The following TRPA1 variants were observed in gnomAD, a reference collection of about 807,000 sequenced individuals.
The protein encoded by TRPA1 is transient receptor potential cation channel subfamily A member 1, also known as ankyrin-like with transmembrane domains 1.
In TRPA1, 129 loss-of-function variants were observed where a neutral mutation model predicts 131.3. That is an observed-to-expected ratio of 0.98 (90% confidence interval 0.85 to 1.14). The LOEUF is 1.14. TRPA1 is among the 50% of genes most tolerant of loss of function. TRPA1 has a pLI of 0.00. For missense variants in TRPA1, 1,304 were observed against 1,354.2 expected, an observed-to-expected ratio of 0.96 and a Z score of 0.58; for synonymous variants, 441 against 451.7, an observed-to-expected ratio of 0.98 and a Z score of 0.30.
intron 2 of TRPA1, among the ~76,000 whole-genome samples, chr8:72,071,068 C>T (rs1806048190): frequency 6.6e-6 from 1 of 152,204 alleles, no homozygotes; most frequent in Admixed American, 6.5e-5. Context: ...ACTTTATACA[C>T]CAATATCTCT....
intron 18 of TRPA1, 115 bp downstream of exon 18, chr8:72,039,612 A>G: frequency 1.3e-6 from 1 of 749,728 alleles, no homozygotes; most frequent in Non-Finnish European, 2.3e-6. Flanking sequence ...AAGTAAAAAC[A>G]TTAAAATAAC....
At chr8:72,029,997 T>C (rs754231760) in intron 23 of TRPA1, 28 bp from the exon 24 acceptor site, 25 of 1,594,350 alleles carry the variant, frequency 1.6e-5, no homozygotes, top group South Asian at 1.1e-5. Flanking sequence ...ATTAAATCAC[T>C]ACAGTTGAAT....
intron 1 of TRPA1, 121 bp downstream of exon 1, chr8:72,075,178 C>A: frequency 1.3e-6 from 1 of 783,750 alleles, no homozygotes; most frequent in Non-Finnish European, 2.2e-6. Flanking sequence ...GGATTGTGCA[C>A]ACACCCCAAA....
intron 13 of TRPA1, 135 bp downstream of exon 13, chr8:72,053,618 C>A: frequency 1.4e-6 from 1 of 712,570 alleles, no homozygotes; most frequent in Non-Finnish European, 2.5e-6. Context: ...CCTCAAGAAT[C>A]CACTTGCTAA....
At chr8:72,086,390 G>C in the TRPA1 span, among the ~76,000 whole-genome samples, 1 of 151,832 alleles carries the variant, frequency 6.6e-6, no homozygotes, top group Admixed American at 6.6e-5. Context: ...TCTTTGTCTC[G>C]TATTCAAATT....
chr8:72,076,408 G>T (rs1163929830), upstream of TRPA1: 2 of 152,212 alleles, frequency 1.3e-5, no homozygotes, highest in African/African-American at 2.4e-5. Context: ...ACAGACAAGG[G>T]AACTGTTGCC....
At chr8:72,035,266 C>T (rs1032958196) in intron 21 of TRPA1, among the ~76,000 whole-genome samples, 8 of 152,160 alleles carry the variant, frequency 5.3e-5, no homozygotes, top group Admixed American at 5.2e-4. Flanking sequence ...CTCAGCAAGG[C>T]CACTAATAAT....
the TRPA1 span, among the ~76,000 whole-genome samples, chr8:72,082,760 T>G: frequency 3.3e-5 from 5 of 152,046 alleles, no homozygotes; most frequent in Non-Finnish European, 7.4e-5. Context: ...GCAACTTGAC[T>G]CTAAGGTATC....
chr8:72,025,679 G>T (rs1811575880), intron 25 of TRPA1, among the ~76,000 whole-genome samples: 1 of 152,126 alleles, frequency 6.6e-6, no homozygotes, highest in Non-Finnish European at 1.5e-5. Context: ...CACTAAAAGG[G>T]TGTGGCTGGT....
chr8:72,046,460 AAAAAAAAAAG>A, intron 17 of TRPA1, 43 bp downstream of exon 17: 6 of 1,159,514 alleles, frequency 5.2e-6, no homozygotes, highest in African/African-American at 3.2e-5. Flanking sequence ...GTATAATAAA[AAAAAAAAAAG>A]AAAAAAAAGA....
In TRPA1 at chr8:72,034,385, A is replaced by G. The variant is rs563751503; in HGVS notation, c.2556-8T>C. 50 of 1,476,066 alleles carry G rather than the reference A, an allele frequency of 3.4e-5. No individual in the cohort carries two copies. Among genetic ancestry groups the G allele is most frequent in the East Asian group, 3.0e-4 (13 of 43,806 alleles). 91.4% of individuals were successfully genotyped at this position (1,476,066 alleles called of 1,614,324 possible). A position where few individuals can be genotyped will look rare whatever the true frequency, so the allele number is the denominator to read the frequency against. On this transcript the variant is annotated splice_region_variant and splice_polypyrimidine_tract_variant and intron_variant, in intron 21 of 26. Coordinates refer to ENST00000262209, the MANE Select transcript of TRPA1 (RefSeq NM_007332.3). ...ATTCCACAATTTTCAAATCTAGAAA[A>G]GTAAAAAAAAAAAAATTTACTCACT...
intron 2 of TRPA1, among the ~76,000 whole-genome samples, chr8:72,069,901 G>T (rs1273001194): frequency 6.6e-6 from 1 of 152,052 alleles, no homozygotes; most frequent in Non-Finnish European, 1.5e-5. Flanking sequence ...AGAGTGCCTG[G>T]CCTGTAGCAA....
intron 4 of TRPA1, 119 bp downstream of exon 4, chr8:72,065,332 G>T (rs1805904960): frequency 2.1e-6 from 2 of 972,908 alleles, no homozygotes; most frequent in East Asian, 5.6e-5. Flanking sequence ...TCCTGACCTA[G>T]TTTTTGTATT....
At chr8:72,059,559 T>C in intron 7 of TRPA1, 121 bp from the exon 8 acceptor site, 1 of 621,514 alleles carries the variant, frequency 1.6e-6, no homozygotes, top group Non-Finnish European at 2.8e-6. Flanking sequence ...CATGATAGAA[T>C]GTTAGAGAAT....
chr8:72,065,200 T>A (rs12677736), intron 4 of TRPA1, among the ~76,000 whole-genome samples: 59,293 of 151,984 alleles, frequency 0.39, 12,211 homozygotes, highest in East Asian at 0.63. Context: ...CCTGCCTGTA[T>A]TTTCTTTTCA....
At position 72,062,716 on chromosome 8, in the gene TRPA1, T is replaced by C. The variant is rs549344418; in HGVS notation, c.807+83A>G. The C allele has an allele frequency of 3.3e-4, 446 of 1,348,960 alleles. 1 individual carries two copies. The highest frequency in any genetic ancestry group is 2.1e-3 in the Middle Eastern group (9 of 4,210). 83.6% of individuals were successfully genotyped at this position (1,348,960 alleles called of 1,614,324 possible). A position where few individuals can be genotyped will look rare whatever the true frequency, so the allele number is the denominator to read the frequency against. Reference sequence around the variant, plus strand: ...TTTCTTGTATGTATTTCAATCTAAATTAACTGTAAAAGAGCTATAAAGCAT... The same window carrying C: ...TTTCTTGTATGTATTTCAATCTAAACTAACTGTAAAAGAGCTATAAAGCAT... On this transcript the variant is annotated intron_variant, in intron 6 of 26. Coordinates refer to ENST00000262209, the MANE Select transcript of TRPA1 (RefSeq NM_007332.3).
At chr8:72,042,091 T>C (rs1425159205) in intron 17 of TRPA1, among the ~76,000 whole-genome samples, 3 of 151,752 alleles carry the variant, frequency 2.0e-5, no homozygotes, top group African/African-American at 7.3e-5. Flanking sequence ...AAGGAAGCAA[T>C]GACCAAAGTG....
intron 5 of TRPA1, 116 bp downstream of exon 5, chr8:72,063,337 ACCACTGCACT>A (rs1371290266): frequency 5.9e-6 from 4 of 682,702 alleles, no homozygotes; most frequent in African/African-American, 5.4e-5. Context: ...CTGAGATCAC[ACCACTGCACT>A]CCAGCCTGGG....
intron 21 of TRPA1, among the ~76,000 whole-genome samples, chr8:72,036,039 A>G (rs1459504765): frequency 6.6e-6 from 1 of 150,740 alleles, no homozygotes; most frequent in Non-Finnish European, 1.5e-5. Context: ...AAGAAGAAGA[A>G]GAAGAAGAAG....
Sources: allele counts gnomAD v4.1 joint callset (sites outside exome capture counted in the v4.1 genomes callset), GRCh38; gene constraint gnomAD v4.1.1; transcripts MANE v1.5; gene names NCBI Gene and HGNC (gene_info 2026-07-23, HGNC 2026-07-21).